Variants in MACROD2 observed in about 807,000 individuals in gnomAD.
MACROD2 encodes mono-ADP ribosylhydrolase 2.
In MACROD2, 36 loss-of-function variants were observed where a neutral mutation model predicts 70.4. The observed-to-expected ratio is 0.51, with a 90% CI of 0.39 to 0.68. MACROD2 has a LOEUF of 0.68. Among genes scored for constraint, MACROD2 ranks in the 30% least tolerant of loss-of-function variants. The pLI, the probability that MACROD2 is intolerant of heterozygous loss-of-function variation, is 0.00. For synonymous variants in MACROD2, 172 were observed against 178.8 expected, an observed-to-expected ratio of 0.96 and a Z score of 0.30; for missense variants, 496 against 538.4, an observed-to-expected ratio of 0.92 and a Z score of 0.78.
chr20:15,495,183 G>C (rs537255203), intron 7 of MACROD2, among the ~76,000 whole-genome samples: 2 of 152,266 alleles, frequency 1.3e-5, no homozygotes, highest in East Asian at 1.9e-4. Flanking sequence ...TCTGAGGAAG[G>C]CCTTTTTCTC....
chr20:14,862,241 T>A (rs1249262799), intron 5 of MACROD2, among the ~76,000 whole-genome samples: 9 of 41,800 alleles, frequency 2.2e-4, no homozygotes, highest in Non-Finnish European at 2.7e-4. Context: ...AAATATATAT[T>A]TATATATTAA....
intron 3 of MACROD2, among the ~76,000 whole-genome samples, chr20:14,180,595 A>G (rs1408717616): frequency 6.6e-6 from 1 of 152,012 alleles, no homozygotes; most frequent in African/African-American, 2.4e-5. Context: ...CTTTCTTTTC[A>G]GTCTAAGAGT....
chr20:14,745,595 G>C (rs898435042), intron 5 of MACROD2, among the ~76,000 whole-genome samples: 1 of 152,144 alleles, frequency 6.6e-6, no homozygotes, highest in African/African-American at 2.4e-5. Context: ...TTCACCACAT[G>C]GGGACAATAA....
At chr20:15,379,108 A>G (rs558158416) in intron 6 of MACROD2, among the ~76,000 whole-genome samples, 1 of 152,346 alleles carries the variant, frequency 6.6e-6, no homozygotes, top group Non-Finnish European at 1.5e-5. Context: ...ATAGTTATTG[A>G]AACACATTGT....
intron 8 of MACROD2, among the ~76,000 whole-genome samples, chr20:15,715,190 C>A (rs769780470): frequency 2.0e-5 from 3 of 151,760 alleles, no homozygotes; most frequent in East Asian, 1.9e-4. Context: ...ATGAGAAAAC[C>A]AGTTCACTTT....
At chr20:14,704,185 G>C (rs967145365) in intron 5 of MACROD2, among the ~76,000 whole-genome samples, 4 of 152,072 alleles carry the variant, frequency 2.6e-5, no homozygotes, top group Admixed American at 1.3e-4. Flanking sequence ...TTTCCTTTAT[G>C]ATATTAATAC....
chr20:15,904,770 A>G (rs902771244), intron 10 of MACROD2, among the ~76,000 whole-genome samples: 1 of 151,360 alleles, frequency 6.6e-6, no homozygotes, highest in Admixed American at 6.6e-5. Context: ...AGTCCCAGCT[A>G]CTCGGGAGGC....
At chr20:15,080,967 C>A (rs998109993) in intron 5 of MACROD2, among the ~76,000 whole-genome samples, 3 of 152,022 alleles carry the variant, frequency 2.0e-5, no homozygotes, top group African/African-American at 7.2e-5. Flanking sequence ...GCTTACTCTA[C>A]CTTCAAATAT....
rs1270934803 is a variant in MACROD2 at position 15,843,891 on chromosome 20, C to T, written c.646-18854C>T. On this transcript the variant is annotated intron_variant, in intron 8 of 17. Transcript: ENST00000684519. ...CATGCTGTAACCTTTGTAAGTTGGA[C>T]ATCAGTAATGGTTGTTTTTTCATGG... 2.6e-5 allele frequency among the ~76,000 whole-genome samples: 4 copies of T among 152,180 alleles called. No individual in the cohort carries two copies. In the East Asian group the frequency reaches 7.7e-4, roughly 29 times the overall value.
Position 15,554,147 on chromosome 20 carries a change from G to C in MACROD2, c.645+54300G>C, listed in dbSNP as rs561396375. Among the ~76,000 whole-genome samples the C allele has an allele frequency of 3.9e-5, 6 of 152,312 alleles. No individual in the cohort carries two copies. In the South Asian group the frequency reaches 1.2e-3, roughly 32 times the overall value. ...AGATGTAGGAGTTAGAATAGATGAGGCTTAGTACTTATTTGGTATGAGAAG... is the reference window on the plus strand; with the variant it reads ...AGATGTAGGAGTTAGAATAGATGAGCCTTAGTACTTATTTGGTATGAGAAG... On this transcript the variant is annotated intron_variant, in intron 8 of 17. Transcript: ENST00000684519.
intron 6 of MACROD2, among the ~76,000 whole-genome samples, chr20:15,296,663 A>G (rs1326985580): frequency 1.3e-5 from 2 of 152,246 alleles, no homozygotes; most frequent in African/African-American, 2.4e-5. Flanking sequence ...CCTGACTGCT[A>G]GAGGGTAATG....
intron 8 of MACROD2, among the ~76,000 whole-genome samples, chr20:15,791,000 G>A (rs546280687): frequency 2.0e-5 from 3 of 151,934 alleles, no homozygotes; most frequent in Non-Finnish European, 2.9e-5. Context: ...TAACTGTTGT[G>A]TACATGTCTT....
chr20:16,005,279 T>C (rs2066772803), intron 15 of MACROD2, among the ~76,000 whole-genome samples: 1 of 152,186 alleles, frequency 6.6e-6, no homozygotes. Flanking sequence ...TTTAAGTCAG[T>C]TTGTCTTCCA....
chr20:14,814,921 TTGAATGAATGAA>T (rs71190149), intron 5 of MACROD2, among the ~76,000 whole-genome samples: 6 of 150,914 alleles, frequency 4.0e-5, no homozygotes, highest in African/African-American at 7.3e-5. Context: ...TGAACATTTA[TTGAATGAATGAA>T]TGAATGAATG....
In MACROD2 at chr20:14,377,582, C is replaced by G. The variant is rs73268816; in HGVS notation, c.272-115897C>G. Among the ~76,000 whole-genome samples, 378 of 152,312 alleles carry G rather than the reference C, an allele frequency of 2.5e-3. 2 individuals carry two copies. The highest frequency in any genetic ancestry group is 8.6e-3 in the African/African-American group (356 of 41,570). ...AGAGACAAATAGCCTTGAGGCTGCTCCCTGCCTCCTTTCTGAGCTGATCTT... is the reference window on the plus strand; with the variant it reads ...AGAGACAAATAGCCTTGAGGCTGCTGCCTGCCTCCTTTCTGAGCTGATCTT... On this transcript the variant is annotated intron_variant, in intron 3 of 17. Transcript: ENST00000684519.
chr20:14,845,145 C>T (rs1275093027), intron 5 of MACROD2, among the ~76,000 whole-genome samples: 1 of 152,076 alleles, frequency 6.6e-6, no homozygotes, highest in Non-Finnish European at 1.5e-5. Flanking sequence ...ATAATCTTGT[C>T]ACATCCTCAC....
intron 6 of MACROD2, among the ~76,000 whole-genome samples, chr20:15,352,006 A>G (rs1211737541): frequency 6.6e-6 from 1 of 152,168 alleles, no homozygotes; most frequent in African/African-American, 2.4e-5. Context: ...GCACAGAGAA[A>G]AAGAGACTCT....
chr20:14,525,206 G>T (rs1353667571), intron 4 of MACROD2, among the ~76,000 whole-genome samples: 1 of 152,100 alleles, frequency 6.6e-6, no homozygotes, highest in Non-Finnish European at 1.5e-5. Context: ...ATGTATAATA[G>T]TATTTCCATA....
intron 6 of MACROD2, among the ~76,000 whole-genome samples, chr20:15,327,990 C>A (rs776059886): frequency 3.5e-4 from 53 of 151,850 alleles, no homozygotes; most frequent in Non-Finnish European, 7.4e-4. Flanking sequence ...TAACAAATAA[C>A]TAAATTATAT....
Sources: gnomAD v4.1 joint callset for allele counts (sites outside exome capture counted in the v4.1 genomes callset) on GRCh38, gnomAD v4.1.1 for gene constraint, MANE v1.5 for transcripts, NCBI Gene and HGNC (gene_info 2026-07-23, HGNC 2026-07-21) for gene names.